CNTN1: variants seen among roughly 807,000 people sequenced by gnomAD.
The protein encoded by CNTN1 is contactin 1.
Under a neutral mutation model 126.4 loss-of-function variants are expected in CNTN1, and 38 were observed. The observed-to-expected ratio is 0.30, with a 90% CI of 0.23 to 0.39. The LOEUF is 0.39. CNTN1 is among the 10% of genes least tolerant of loss of function. CNTN1 has a pLI of 1.00. For synonymous variants in CNTN1, 413 were observed against 422.6 expected, an observed-to-expected ratio of 0.98 and a Z score of 0.28; for missense variants, 1,009 against 1,248.4, an observed-to-expected ratio of 0.81 and a Z score of 2.89.
chr12:40,775,344 G>C (rs996879621), intron 1 of CNTN1, among the ~76,000 whole-genome samples: 3 of 151,038 alleles, frequency 2.0e-5, no homozygotes, highest in African/African-American at 7.3e-5. Flanking sequence ...TATTTCCTTT[G>C]GTAGATATTA....
Position 40,933,877 on chromosome 12 carries a change from A to G in CNTN1, c.984A>G (p.Gln328=). 6.2e-7 allele frequency: 1 copy of G among 1,607,768 alleles called. No homozygotes were observed. The highest frequency in any genetic ancestry group is 2.2e-5 in the East Asian group (1 of 44,774). The stretch of plus-strand genomic sequence containing the variant: ...AACATCAAGCAAGAATTTATGTTCA[A>G]GGTAGATACATTATTTTAATTTTGT... ...KDKHQARIYV[Q]AFPEWVEHIN... is the part of the protein sequence containing the mutation. The change falls in exon 9 of 24, where the codon CAA becomes CAG. Residue 328 remains glutamine (Q), a splice_region_variant and synonymous_variant. Coordinates refer to ENST00000551295, the MANE Select transcript of CNTN1 (RefSeq NM_001843.4).
At chr12:40,953,183 A>T (rs906524099) in intron 14 of CNTN1, among the ~76,000 whole-genome samples, 50 of 152,128 alleles carry the variant, frequency 3.3e-4, no homozygotes, top group African/African-American at 1.1e-3. Context: ...AACTTGGGAA[A>T]CTTCTAAGTG....
intron 1 of CNTN1, among the ~76,000 whole-genome samples, chr12:40,840,133 A>G (rs1942217724): frequency 6.6e-6 from 1 of 152,080 alleles, no homozygotes; most frequent in East Asian, 1.9e-4. Flanking sequence ...TATAGACTGA[A>G]AGTAAAGGAA....
intron 1 of CNTN1, among the ~76,000 whole-genome samples, chr12:40,897,832 A>G (rs1226999147): frequency 6.6e-6 from 1 of 152,188 alleles, no homozygotes; most frequent in Non-Finnish European, 1.5e-5. Context: ...CATAAACCAA[A>G]GCACTTAGGA....
Position 40,980,898 on chromosome 12 carries a change from T to A in CNTN1, c.1805-11T>A. ...GAATTCACTGATTCATTACCCACAT[T>A]TTCATTTCAGGCCCTCCAGGCCCTC... is the stretch of plus-strand genomic sequence containing the variant. On this transcript the variant is annotated splice_polypyrimidine_tract_variant and intron_variant, in intron 15 of 23. Transcript: ENST00000551295. 1 of 1,613,656 alleles carries A rather than the reference T, an allele frequency of 6.2e-7. No homozygotes were observed. Among genetic ancestry groups the A allele is most frequent in the Non-Finnish European group, 8.5e-7 (1 of 1,179,616 alleles).
At chr12:40,932,376 A>G (rs1002284966) in intron 7 of CNTN1, among the ~76,000 whole-genome samples, 2 of 147,796 alleles carry the variant, frequency 1.4e-5, no homozygotes, top group African/African-American at 5.0e-5. Flanking sequence ...CTCTTCCTTA[A>G]TCTTCCACCA....
chr12:40,694,894 T>C (rs1591980325), intron 1 of CNTN1, among the ~76,000 whole-genome samples: 1 of 152,148 alleles, frequency 6.6e-6, no homozygotes, highest in Non-Finnish European at 1.5e-5. Context: ...GTTTCTATCA[T>C]GGGGATGGGC....
chr12:40,777,352 C>T (rs1939630650), intron 1 of CNTN1, among the ~76,000 whole-genome samples: 1 of 151,078 alleles, frequency 6.6e-6, no homozygotes, highest in Non-Finnish European at 1.5e-5. Flanking sequence ...TAAGCTCTTC[C>T]TAGGACTTAA....
chr12:40,788,320 C>T (rs533349735), intron 1 of CNTN1, among the ~76,000 whole-genome samples: 2 of 152,276 alleles, frequency 1.3e-5, no homozygotes, highest in South Asian at 4.1e-4. Context: ...TTCCTCAACA[C>T]TTGCGAGCTT....
intron 1 of CNTN1, among the ~76,000 whole-genome samples, chr12:40,768,273 C>T (rs889603513): frequency 3.9e-5 from 6 of 152,184 alleles, no homozygotes; most frequent in African/African-American, 4.8e-5. Flanking sequence ...TTGAAGGTCA[C>T]GTAGCTGGTA....
intron 1 of CNTN1, among the ~76,000 whole-genome samples, chr12:40,803,853 C>A (rs1414970544): frequency 2.0e-5 from 3 of 151,552 alleles, no homozygotes; most frequent in Non-Finnish European, 4.4e-5. Flanking sequence ...GGGGAGATAA[C>A]TTTTGGACCA....
chr12:40,849,647 T>A (rs895768522), intron 1 of CNTN1, among the ~76,000 whole-genome samples: 10 of 152,098 alleles, frequency 6.6e-5, no homozygotes, highest in African/African-American at 1.9e-4. Context: ...GGACTGAGTC[T>A]ACATAAAATA....
intron 1 of CNTN1, among the ~76,000 whole-genome samples, chr12:40,747,636 G>C (rs148266496): frequency 2.6e-5 from 4 of 152,140 alleles, no homozygotes; most frequent in African/African-American, 7.2e-5. Context: ...GCTGGATGGA[G>C]AATAGCTTGC....
At chr12:40,930,666 C>T (rs1281565231) in intron 7 of CNTN1, among the ~76,000 whole-genome samples, 2 of 151,910 alleles carry the variant, frequency 1.3e-5, no homozygotes, top group African/African-American at 4.8e-5. Flanking sequence ...CCTTCTGCTA[C>T]ATTAATATCA....
chr12:40,693,812 G>A (rs557761212), intron 1 of CNTN1, among the ~76,000 whole-genome samples: 8 of 152,258 alleles, frequency 5.3e-5, no homozygotes, highest in East Asian at 1.9e-4. Flanking sequence ...TTCTCCATTG[G>A]GGGAAAAGCC....
At chr12:40,889,455 T>A (rs1303944473) in intron 1 of CNTN1, among the ~76,000 whole-genome samples, 4 of 152,202 alleles carry the variant, frequency 2.6e-5, no homozygotes, top group African/African-American at 9.7e-5. Flanking sequence ...TTTTTTTAGA[T>A]AAGTGGCATA....
intron 4 of CNTN1, among the ~76,000 whole-genome samples, chr12:40,919,180 T>C (rs1393145902): frequency 6.6e-6 from 1 of 152,178 alleles, no homozygotes; most frequent in Non-Finnish European, 1.5e-5. Flanking sequence ...ATTAAGTACA[T>C]TTAAAGATCT....
At chr12:40,755,224 A>ATG in intron 1 of CNTN1, among the ~76,000 whole-genome samples, 1 of 124,196 alleles carries the variant, frequency 8.1e-6, no homozygotes, top group African/African-American at 3.1e-5. Flanking sequence ...AAAAAAAAAA[A>ATG]AAGAAGAAAA....
At chr12:40,854,103 A>G (rs1163187176) in intron 1 of CNTN1, among the ~76,000 whole-genome samples, 2 of 151,128 alleles carry the variant, frequency 1.3e-5, no homozygotes, top group Non-Finnish European at 2.9e-5. Flanking sequence ...GTACTATGCT[A>G]TCTCTCAAGG....
Sources: allele counts gnomAD v4.1 joint callset (sites outside exome capture counted in the v4.1 genomes callset), GRCh38; gene constraint gnomAD v4.1.1; transcripts MANE v1.5; gene names NCBI Gene and HGNC (gene_info 2026-07-23, HGNC 2026-07-21).